PBRM1: variants seen among roughly 807,000 people sequenced by gnomAD.
The protein encoded by PBRM1 is protein polybromo-1.
In PBRM1, 27 loss-of-function variants were observed where a neutral mutation model predicts 194.5. The observed-to-expected ratio is 0.14, with a 90% CI of 0.10 to 0.19. PBRM1 has a LOEUF of 0.19. Among genes scored for constraint, PBRM1 ranks in the 10% least tolerant of loss-of-function variants. The pLI, the probability that PBRM1 is intolerant of heterozygous loss-of-function variation, is 1.00. For missense variants in PBRM1, 1,466 were observed against 2,077.2 expected, an observed-to-expected ratio of 0.71 and a Z score of 5.72; for synonymous variants, 655 against 693.2, an observed-to-expected ratio of 0.94 and a Z score of 0.87.
In PBRM1 at chr3:52,610,953, A is replaced by G. The variant is rs551765380; in HGVS notation, c.1925-998T>C. Among the ~76,000 whole-genome samples the G allele has an allele frequency of 1.2e-4, 19 of 152,282 alleles. No homozygotes were observed. The East Asian group carries it at 3.5e-3, about 28-fold the overall frequency. On this transcript the variant is annotated intron_variant, in intron 15 of 29. Coordinates refer to ENST00000296302, the Ensembl canonical transcript of PBRM1. ...GACTCTGTCTCAAAAAAACAAAACA[A>G]AAAGAATACAGGAACGAGCCTGAAC...
At chr3:52,678,195 T>C (rs935872915) in intron 2 of PBRM1, among the ~76,000 whole-genome samples, 2 of 152,130 alleles carry the variant, frequency 1.3e-5, no homozygotes, top group East Asian at 1.9e-4. Flanking sequence ...TCATACTCCT[T>C]GGATCAAGCA....
intron 20 of PBRM1, among the ~76,000 whole-genome samples, chr3:52,582,572 C>T (rs2091516897): frequency 6.6e-6 from 1 of 151,768 alleles, no homozygotes. Context: ...ACCACGCCAA[C>T]CTCCTCAGCC....
chr3:52,621,904 G>A (rs146279389), intron 13 of PBRM1, among the ~76,000 whole-genome samples: 128 of 152,152 alleles, frequency 8.4e-4, no homozygotes, highest in Non-Finnish European at 1.5e-3. Context: ...AGCGTAGTCA[G>A]GCATGGTGGC....
intron 21 of PBRM1, among the ~76,000 whole-genome samples, chr3:52,577,629 G>A: frequency 6.6e-6 from 1 of 151,956 alleles, no homozygotes; most frequent in East Asian, 1.9e-4. Context: ...CTTACACACA[G>A]GAGTCATCCT....
At chr3:52,546,244 TA>T, downstream of PBRM1, 1 of 233,040 alleles carries the variant, frequency 4.3e-6, no homozygotes, top group East Asian at 6.1e-5. Context: ...TTCTTTGGTG[TA>T]ATTCAAGGAT....
chr3:52,567,898 C>T (rs901122440), intron 22 of PBRM1, among the ~76,000 whole-genome samples: 3 of 151,302 alleles, frequency 2.0e-5, no homozygotes, highest in African/African-American at 7.3e-5. Context: ...ATCCGCCTCC[C>T]TCAGCCTCCC....
At chr3:52,640,526 C>CTCCTAGGTGGAGGCCACATAA (rs1374342496) in intron 10 of PBRM1, among the ~76,000 whole-genome samples, 1 of 151,850 alleles carries the variant, frequency 6.6e-6, no homozygotes, top group Non-Finnish European at 1.5e-5. Context: ...CCACCTAGGC[C>CTCCTAGGTGGAGGCCACATAA]TCCCAAAGTG....
At chr3:52,589,396 A>T (rs908574543) in intron 17 of PBRM1, 141 bp from the exon 20 acceptor site, 4 of 498,846 alleles carry the variant, frequency 8.0e-6, no homozygotes, top group Non-Finnish European at 1.4e-5. Flanking sequence ...GGCAGGAATC[A>T]GCAATAGTAT....
intron 26 of PBRM1, among the ~76,000 whole-genome samples, chr3:52,555,208 TCAAA>T (rs1036353659): frequency 6.6e-6 from 1 of 152,198 alleles, no homozygotes; most frequent in Non-Finnish European, 1.5e-5. Context: ...TGCAAGCTGT[TCAAA>T]CAGAGTGACC....
chr3:52,557,435 G>A (rs915326260), intron 26 of PBRM1, among the ~76,000 whole-genome samples: 7 of 152,178 alleles, frequency 4.6e-5, no homozygotes, highest in Non-Finnish European at 2.9e-5. Flanking sequence ...AAGAAACACA[G>A]GTGGCTTGTA....
At chr3:52,628,182 C>G (rs1384655494) in intron 12 of PBRM1, among the ~76,000 whole-genome samples, 1 of 151,862 alleles carries the variant, frequency 6.6e-6, no homozygotes, top group Non-Finnish European at 1.5e-5. Flanking sequence ...AGAATCAGCC[C>G]TACTTTAACA....
At chr3:52,681,438 CA>C (rs2097203449), upstream of PBRM1, among the ~76,000 whole-genome samples, 1 of 152,064 alleles carries the variant, frequency 6.6e-6, no homozygotes, top group South Asian at 2.1e-4. Flanking sequence ...TTAAAATCGT[CA>C]AAAGGCTTAG....
chr3:52,609,566 G>A lies in PBRM1; in HGVS notation c.2314C>T (p.Pro772Ser), dbSNP rs781527726. The change falls in exon 16 of 30, where the codon CCA (proline) becomes TCA (serine). Residue 772 changes from proline (P) to serine (S), a missense_variant. Physicochemically the swap from Pro to Ser is moderately conservative, Grantham distance 74. Transcript: ENST00000296302. This position sits in a 1 kb window ranked among gnomAD's most constrained non-coding sequence, Gnocchi z 4.1. ...TCTTGAATCAGCAAAGTCACATTTG[G>A]GACATGAGAGTCCTCATCTCCCTCC... 3 of 1,613,592 alleles carry A rather than the reference G, an allele frequency of 1.9e-6. No homozygotes were observed. The highest frequency in any genetic ancestry group is 2.5e-6 in the Non-Finnish European group (3 of 1,179,792).
chr3:52,661,386 G>A lies in PBRM1; in HGVS notation c.528+747C>T, dbSNP rs542416927. Reference sequence around the variant, plus strand: ...GCACCTACATGTCAGGTATAGTGCAGATATGAGGAATAAATGAACAAAAAG... The same window carrying A: ...GCACCTACATGTCAGGTATAGTGCAAATATGAGGAATAAATGAACAAAAAG... On this transcript the variant is annotated intron_variant, in intron 4 of 29. Transcript: ENST00000296302. 2.6e-5 allele frequency among the ~76,000 whole-genome samples: 4 copies of A among 152,320 alleles called. No individual in the cohort carries two copies. The South Asian group carries it at 8.3e-4, about 32-fold the overall frequency.
At chr3:52,553,011 C>G (rs1055379597) in intron 27 of PBRM1, among the ~76,000 whole-genome samples, 6 of 152,136 alleles carry the variant, frequency 3.9e-5, no homozygotes, top group Admixed American at 2.6e-4. Flanking sequence ...TGGCTGGAGG[C>G]TCCAGGCCAG....
intron 15 of PBRM1, among the ~76,000 whole-genome samples, chr3:52,614,287 T>C (rs768761532): frequency 5.1e-5 from 7 of 138,072 alleles, no homozygotes; most frequent in Non-Finnish European, 9.1e-5. Flanking sequence ...AGTGGAAGGA[T>C]CACTTGAACC....
At chr3:52,680,104 TAC>T (rs1300633629), upstream of PBRM1, among the ~76,000 whole-genome samples, 2 of 152,142 alleles carry the variant, frequency 1.3e-5, no homozygotes, top group African/African-American at 4.8e-5. Flanking sequence ...AGGCCTGGGG[TAC>T]AGAGGCCCCA....
chr3:52,652,391 A>C (rs1389390803), intron 5 of PBRM1, among the ~76,000 whole-genome samples: 3 of 151,488 alleles, frequency 2.0e-5, no homozygotes, highest in Non-Finnish European at 4.4e-5. Context: ...TCTCAAAAAA[A>C]AAAAAAAAAA....
exon 30 of PBRM1, chr3:52,548,213 C>T: frequency 6.3e-7 from 1 of 1,587,896 alleles, no homozygotes; most frequent in Non-Finnish European, 8.5e-7. Flanking sequence ...GTTCTTTCGA[C>T]AAATGGACGT....
Sources: gnomAD v4.1 joint callset for allele counts (sites outside exome capture counted in the v4.1 genomes callset) on GRCh38, gnomAD v4.1.1 for gene constraint, Gnocchi (gnomAD v3.1) non-coding constraint, MANE v1.5 for transcripts, NCBI Gene and HGNC (gene_info 2026-07-23, HGNC 2026-07-21) for gene names.